Variants in DTHD1 observed in about 807,000 individuals in gnomAD.
The protein encoded by DTHD1 is death domain-containing protein 1.
Under a neutral mutation model 74.8 loss-of-function variants are expected in DTHD1, and 59 were observed. That is an observed-to-expected ratio of 0.79 (90% confidence interval 0.64 to 0.98). The LOEUF is 0.98. Ranked by LOEUF, DTHD1 falls within the 50% of genes least tolerant of loss-of-function variation. The pLI is 0.00. For missense variants in DTHD1, 1,051 were observed against 1,065.4 expected, an observed-to-expected ratio of 0.99 and a Z score of 0.19; for synonymous variants, 365 against 371.1, an observed-to-expected ratio of 0.98 and a Z score of 0.19.
At chr4:36,308,086 A>G in intron 6 of DTHD1, 118 bp from the exon 7 acceptor site, 1 of 1,005,382 alleles carries the variant, frequency 9.9e-7, no homozygotes, top group South Asian at 1.8e-5. Context: ...GTCTTTGAGA[A>G]TACTTGATTT....
At chr4:36,300,054 TC>T (rs1384480608) in intron 5 of DTHD1, among the ~76,000 whole-genome samples, 1 of 152,228 alleles carries the variant, frequency 6.6e-6, no homozygotes, top group Non-Finnish European at 1.5e-5. Context: ...TGGGATACTG[TC>T]CTTTATTAAA....
intron 8 of DTHD1, 86 bp from the exon 9 acceptor site, chr4:36,339,026 A>T: frequency 9.3e-7 from 1 of 1,072,990 alleles, no homozygotes; most frequent in Middle Eastern, 2.0e-4. Context: ...TTCGAAACAG[A>T]GATGATGTTC....
intron 6 of DTHD1, among the ~76,000 whole-genome samples, 170 bp downstream of exon 6, chr4:36,306,522 T>C (rs1285801162): frequency 6.6e-6 from 1 of 152,256 alleles, no homozygotes; most frequent in Non-Finnish European, 1.5e-5. Flanking sequence ...GTATGCTATC[T>C]GTAATTTCAT....
At chr4:36,325,816 C>T (rs975554680) in intron 8 of DTHD1, among the ~76,000 whole-genome samples, 13 of 151,968 alleles carry the variant, frequency 8.6e-5, no homozygotes, top group Non-Finnish European at 1.6e-4. Flanking sequence ...ATCTTCAGTC[C>T]CTCTAATATT....
chr4:36,316,696 T>A (rs1003179551), intron 8 of DTHD1, among the ~76,000 whole-genome samples: 10 of 152,224 alleles, frequency 6.6e-5, no homozygotes, highest in Admixed American at 5.9e-4. Context: ...CTAACAAGAA[T>A]GCTTCAGATT....
intron 8 of DTHD1, among the ~76,000 whole-genome samples, chr4:36,337,125 G>A (rs1156975783): frequency 2.0e-5 from 3 of 152,058 alleles, no homozygotes; most frequent in Non-Finnish European, 2.9e-5. Context: ...AAAAGGTAGT[G>A]TGCAAAGCGA....
chr4:36,308,508 A>G lies in DTHD1; in HGVS notation c.2095+15A>G, dbSNP rs1757193841. On this transcript the variant is annotated intron_variant, in intron 7 of 9. Transcript: ENST00000639862. ...ATTTGCTTCAAGTAAGTATAAAGAA[A>G]TCTTTTTATATATTTTATTGGCTAT... is the stretch of plus-strand genomic sequence containing the variant. The G allele has an allele frequency of 6.5e-7, 1 of 1,528,244 alleles. No homozygotes were observed. The highest frequency in any genetic ancestry group is 2.5e-5 in the East Asian group (1 of 40,674). The allele number at this position is 1,528,244 out of a possible 1,614,324, so 94.7% of individuals were successfully genotyped here.
chr4:36,329,735 C>T (rs1177881761), intron 8 of DTHD1, among the ~76,000 whole-genome samples: 1 of 152,164 alleles, frequency 6.6e-6, no homozygotes, highest in East Asian at 1.9e-4. Context: ...AAACAATGTT[C>T]TCTTTTTAAA....
At chr4:36,308,580 G>A (rs1457715669) in intron 7 of DTHD1, 87 bp downstream of exon 7, 2 of 1,082,034 alleles carry the variant, frequency 1.8e-6, no homozygotes, top group Non-Finnish European at 2.6e-6. Flanking sequence ...TGTTACTAAG[G>A]AAACCTTCAG....
intron 3 of DTHD1, 70 bp from the exon 4 acceptor site, chr4:36,293,456 T>C: frequency 1.6e-6 from 2 of 1,257,112 alleles, no homozygotes; most frequent in Non-Finnish European, 2.1e-6. Flanking sequence ...TGACAATCCA[T>C]AGAGTCTATA....
chr4:36,295,172 A>G, intron 5 of DTHD1, 133 bp downstream of exon 5: 1 of 1,166,398 alleles, frequency 8.6e-7, no homozygotes, highest in Non-Finnish European at 1.1e-6. Context: ...ATCTAGAAAG[A>G]AGATATTGTG....
chr4:36,311,129 C>A (rs528869531), intron 7 of DTHD1: 1 of 152,168 alleles, frequency 6.6e-6, no homozygotes, highest in Non-Finnish European at 1.5e-5. Context: ...TTGTGGAGAC[C>A]GGGGAGCACG....
At chr4:36,318,391 C>T (rs1018932552) in intron 8 of DTHD1, among the ~76,000 whole-genome samples, 2 of 152,158 alleles carry the variant, frequency 1.3e-5, no homozygotes, top group South Asian at 4.1e-4. Flanking sequence ...TGGACACCAA[C>T]CAGTGAACTT....
chr4:36,289,636 A>T (rs1755935416), intron 2 of DTHD1, among the ~76,000 whole-genome samples: 1 of 152,162 alleles, frequency 6.6e-6, no homozygotes, highest in African/African-American at 2.4e-5. Context: ...AAGCAGCAAA[A>T]TATTAACTAT....
intron 8 of DTHD1, among the ~76,000 whole-genome samples, chr4:36,334,869 A>G (rs1195457492): frequency 6.6e-6 from 1 of 152,218 alleles, no homozygotes; most frequent in Non-Finnish European, 1.5e-5. Context: ...TATGATGATA[A>G]CAATCCTTGT....
intron 1 of DTHD1, among the ~76,000 whole-genome samples, chr4:36,283,107 G>A (rs1347573206): frequency 6.6e-6 from 1 of 152,082 alleles, no homozygotes; most frequent in Non-Finnish European, 1.5e-5. Flanking sequence ...TAAGCTATGG[G>A]GCCTTAAATT....
At chr4:36,334,899 TTCTGGC>T (rs1758920063) in intron 8 of DTHD1, among the ~76,000 whole-genome samples, 1 of 152,210 alleles carries the variant, frequency 6.6e-6, no homozygotes, top group Non-Finnish European at 1.5e-5. Flanking sequence ...TGGAGGGCCA[TTCTGGC>T]TACTAAGTAT....
At chr4:36,336,639 G>A (rs925382928) in intron 8 of DTHD1, among the ~76,000 whole-genome samples, 36 of 152,160 alleles carry the variant, frequency 2.4e-4, no homozygotes, top group Non-Finnish European at 7.3e-5. Flanking sequence ...CCCCCTAATA[G>A]GGAGGATTTC....
At chr4:36,341,833 G>A (rs1203861634) in intron 9 of DTHD1, among the ~76,000 whole-genome samples, 1 of 152,224 alleles carries the variant, frequency 6.6e-6, no homozygotes, top group African/African-American at 2.4e-5. Flanking sequence ...CTGCAGAGGT[G>A]ACCGAATGAC....
Sources: allele counts gnomAD v4.1 joint callset (sites outside exome capture counted in the v4.1 genomes callset), GRCh38; gene constraint gnomAD v4.1.1; transcripts MANE v1.5; gene names NCBI Gene and HGNC (gene_info 2026-07-23, HGNC 2026-07-21).